Variants in ZNF236 observed in about 807,000 individuals in gnomAD.
ZNF236 encodes zinc finger protein 236, also known as regulated by glucose.
Under a neutral mutation model 191.2 loss-of-function variants are expected in ZNF236, and 50 were observed. The ratio of observed to expected loss-of-function variants is 0.26; its 90% CI spans 0.21 to 0.33. The LOEUF is 0.33. Ranked by LOEUF, ZNF236 falls within the 10% of genes least tolerant of loss-of-function variation. The pLI, the probability that ZNF236 is intolerant of heterozygous loss-of-function variation, is 1.00. For missense variants in ZNF236, 1,754 were observed against 2,374.5 expected (o/e 0.74, Z 5.43); for synonymous variants, 907 against 928.8 (o/e 0.98, Z 0.43).
At chr18:76,850,705 C>T (rs913465906) in intron 2 of ZNF236, among the ~76,000 whole-genome samples, 1 of 151,880 alleles carries the variant, frequency 6.6e-6, no homozygotes, top group Non-Finnish European at 1.5e-5. Context: ...CAGGTTCAAG[C>T]GAATCTCATG....
intron 19 of ZNF236, among the ~76,000 whole-genome samples, chr18:76,917,312 T>C (rs1967396123): frequency 6.6e-6 from 1 of 152,226 alleles, no homozygotes; most frequent in Non-Finnish European, 1.5e-5. Flanking sequence ...ACCCCGTCAT[T>C]TGGAGAGTGT....
rs544043415 is a variant in ZNF236, at chr18:76,885,238, A to G, written c.1417+3726A>G. ...AGATGCTCAGTGCATCCTGGGCTGC[A>G]TCGGAGATGCACTGTTCTCAGTGTC... is the stretch of plus-strand genomic sequence containing the variant. On this transcript the variant is annotated intron_variant, in intron 9 of 30. Coordinates refer to ENST00000320610, the MANE Select transcript of ZNF236 (RefSeq NM_001306089.2). The G allele has an allele frequency of 6.6e-5, 10 of 152,508 alleles. No homozygotes were observed. In the East Asian group the frequency reaches 1.7e-3, roughly 26 times the overall value. The allele number at this position is 152,508 out of a possible 1,614,324, so 9.4% of individuals were successfully genotyped here. A position where few individuals can be genotyped will look rare whatever the true frequency, so the allele number is the denominator to read the frequency against.
intron 3 of ZNF236, among the ~76,000 whole-genome samples, chr18:76,856,070 A>C (rs754882800): frequency 6.6e-6 from 1 of 152,072 alleles, no homozygotes; most frequent in Non-Finnish European, 1.5e-5. Context: ...CTTTAAAAAA[A>C]TTATTACTTA....
In ZNF236 at chr18:76,851,027, C is replaced by CT. The variant is rs1252982082; in HGVS notation, c.199-735dup. On this transcript the variant is annotated intron_variant, in intron 2 of 30. Transcript: ENST00000320610. Reference sequence around the variant, plus strand: ...TGAATTTATACGCAGCTTTTTCTTTCTTTTTTTTTTTTTAAAAAAAAGCTT... The same window carrying CT: ...TGAATTTATACGCAGCTTTTTCTTTCTTTTTTTTTTTTTTAAAAAAAAGCTT... Among the ~76,000 whole-genome samples, 405 of 131,678 alleles carry CT rather than the reference C, an allele frequency of 3.1e-3. 3 individuals carry two copies. The highest frequency in any genetic ancestry group is 7.5e-3 in the African/African-American group (276 of 36,570). The allele number at this position is 131,678 out of a possible 152,430, so 86.4% of individuals were successfully genotyped here.
At chr18:76,833,295 G>A (rs1975225571) in intron 1 of ZNF236, among the ~76,000 whole-genome samples, 1 of 152,132 alleles carries the variant, frequency 6.6e-6, no homozygotes, top group Admixed American at 6.6e-5. Flanking sequence ...ACTGCAGGAG[G>A]AAAATTATAT....
At chr18:76,911,371 G>T (rs929921069) in intron 16 of ZNF236, among the ~76,000 whole-genome samples, 9 of 152,094 alleles carry the variant, frequency 5.9e-5, no homozygotes, top group African/African-American at 2.2e-4. Flanking sequence ...AAGTGGTAGG[G>T]CTGGACCCTC....
chr18:76,849,770 T>G (rs1010394591), intron 2 of ZNF236, 102 bp downstream of exon 2: 18 of 1,092,044 alleles, frequency 1.6e-5, no homozygotes, highest in Non-Finnish European at 2.2e-5. Context: ...GGTTCCTAAA[T>G]AGTAGAACAT....
At position 76,849,602 on chromosome 18, in the gene ZNF236, T is replaced by C. The variant is rs762753504; in HGVS notation, c.132T>C (p.Cys44=). The part of the protein sequence containing the change: ...QVPNFHKCEI[C]LLSFPKESQF... ...CAAACTTCCATAAATGTGAAATCTG[T>C]CTACTATCTTTTCCAAAAGAATCCC... Residue 44 remains cysteine (C), a synonymous_variant, in exon 2 of 31, where the codon TGT becomes TGC. Transcript: ENST00000320610. 60 of 1,611,424 alleles carry C rather than the reference T, an allele frequency of 3.7e-5. No homozygotes were observed. Among genetic ancestry groups the C allele is most frequent in the Non-Finnish European group, 4.8e-5 (57 of 1,179,408 alleles).
intron 1 of ZNF236, among the ~76,000 whole-genome samples, chr18:76,828,120 G>A (rs1975066373): frequency 6.6e-6 from 1 of 151,862 alleles, no homozygotes; most frequent in Non-Finnish European, 1.5e-5. Context: ...GAATTCAAGA[G>A]CCCAAGGGGA....
Position 76,895,169 on chromosome 18 carries a change from G to T in ZNF236, c.1574G>T (p.Ser525Ile). 1 of 1,607,016 alleles carries T rather than the reference G, an allele frequency of 6.2e-7. No homozygotes were observed. Reference protein sequence around the residue: ...PQCFRAFAVKSTLTAHIKTHT... With the variant: ...PQCFRAFAVKITLTAHIKTHT... ...TGCTTCCGCGCCTTCGCCGTGAAGA[G>T]CACGCTGACAGCGCACATCAAGACG... The change falls in exon 10 of 31, where the codon AGC becomes ATC. Residue 525 changes from serine to isoleucine, a missense_variant. Ser to Ile is a moderately radical substitution (Grantham distance 142). Around this residue, in one of 5 missense-constraint regions of ZNF236, gnomAD observed 641 missense variants for 869.6 expected, o/e 0.74. Coordinates refer to ENST00000320610, the MANE Select transcript of ZNF236 (RefSeq NM_001306089.2).
intron 19 of ZNF236, among the ~76,000 whole-genome samples, chr18:76,917,505 G>T (rs1203311577): frequency 1.3e-5 from 2 of 152,144 alleles, no homozygotes; most frequent in African/African-American, 4.8e-5. Context: ...GGATCATTGT[G>T]GGGGAAACTG....
chr18:76,856,604 C>T (rs1976047834), intron 3 of ZNF236, among the ~76,000 whole-genome samples: 1 of 151,978 alleles, frequency 6.6e-6, no homozygotes, highest in African/African-American at 2.4e-5. Flanking sequence ...AGCATCTTTC[C>T]ATGTTTATTA....
At chr18:76,882,387 G>C (rs1976924875) in intron 9 of ZNF236, among the ~76,000 whole-genome samples, 1 of 152,186 alleles carries the variant, frequency 6.6e-6, no homozygotes, top group Non-Finnish European at 1.5e-5. Flanking sequence ...CACAGATGCA[G>C]TCTAATATCC....
chr18:76,863,109 A>C (rs1976292182), intron 3 of ZNF236, among the ~76,000 whole-genome samples: 1 of 152,226 alleles, frequency 6.6e-6, no homozygotes, highest in African/African-American at 2.4e-5. Flanking sequence ...AGGACAGAGG[A>C]GAATCAGAGG....
chr18:76,909,003 GTGTT>G (rs1967141871), intron 14 of ZNF236, among the ~76,000 whole-genome samples: 2 of 100,944 alleles, frequency 2.0e-5, no homozygotes, highest in South Asian at 3.2e-4. Context: ...GTGTGTGTGT[GTGTT>G]TGGTATGCGT....
Position 76,880,078 on chromosome 18 carries a change from A to G in ZNF236, c.985-35A>G. On this transcript the variant is annotated intron_variant, in intron 7 of 30. Coordinates refer to ENST00000320610, the MANE Select transcript of ZNF236 (RefSeq NM_001306089.2). This position sits in a 1 kb window ranked among gnomAD's most constrained non-coding sequence, Gnocchi z 5.0. ...TTTCCTTTTTAAATTGAAGAGCAAA[A>G]TTGTATTTTTAATGAAAATGTTTCT... 1.3e-6 allele frequency: 2 copies of G among 1,566,016 alleles called. No individual in the cohort carries two copies. Among genetic ancestry groups the G allele is most frequent in the Non-Finnish European group, 1.7e-6 (2 of 1,153,618 alleles).
intron 30 of ZNF236, among the ~76,000 whole-genome samples, chr18:76,962,498 C>A (rs1340260222): frequency 3.3e-5 from 5 of 152,146 alleles, no homozygotes; most frequent in Non-Finnish European, 7.3e-5. Context: ...TGTGATGCCT[C>A]CAGATTTGTT....
At chr18:76,871,630 G>T in intron 4 of ZNF236, 71 bp from the exon 5 acceptor site, 1 of 1,585,698 alleles carries the variant, frequency 6.3e-7, no homozygotes, top group Non-Finnish European at 8.6e-7. Context: ...TTTCTGGTAG[G>T]ATTTTCATTT....
Position 76,956,196 on chromosome 18 carries a change from G to A in ZNF236, c.5112+14G>A. On this transcript the variant is annotated intron_variant, in intron 28 of 30. Transcript: ENST00000320610. ...ACGCACCTCAAGGTAGGCCCACTGT[G>A]CCAGGGCACAGCTGTGTGCCCCCCA... 1 of 1,543,204 alleles carries A rather than the reference G, an allele frequency of 6.5e-7. No individual in the cohort carries two copies. The highest frequency in any genetic ancestry group is 8.7e-7 in the Non-Finnish European group (1 of 1,147,260).
Sources: allele counts gnomAD v4.1 joint callset (sites outside exome capture counted in the v4.1 genomes callset), GRCh38; gene constraint gnomAD v4.1.1; regional missense constraint gnomAD v4.1.1; non-coding constraint Gnocchi (gnomAD v3.1); transcripts MANE v1.5; gene names NCBI Gene and HGNC (gene_info 2026-07-23, HGNC 2026-07-21).